The following SNTG1 variants were observed in gnomAD, a reference collection of about 807,000 sequenced individuals.
SNTG1 encodes gamma-1-syntrophin.
Under a neutral mutation model 74.7 loss-of-function variants are expected in SNTG1, and 39 were observed. That is an observed-to-expected ratio of 0.52 (90% CI 0.40 to 0.68). The LOEUF (loss-of-function observed/expected upper bound fraction) is 0.68. Among genes scored for constraint, SNTG1 ranks in the 30% least tolerant of loss-of-function variants. SNTG1 has a pLI of 0.00. For synonymous variants in SNTG1, 254 were observed against 217.1 expected (o/e 1.17, Z -1.49); for missense variants, 685 against 609.5 (o/e 1.12, Z -1.30).
chr8:50,186,208 C>G (rs1234120808), intron 2 of SNTG1, among the ~76,000 whole-genome samples: 1 of 152,028 alleles, frequency 6.6e-6, no homozygotes, highest in East Asian at 1.9e-4. Flanking sequence ...GCATAGTATT[C>G]CATGGTGTAT....
intron 1 of SNTG1, among the ~76,000 whole-genome samples, chr8:49,954,574 T>A (rs1488094338): frequency 6.6e-6 from 1 of 152,184 alleles, no homozygotes; most frequent in Non-Finnish European, 1.5e-5. Flanking sequence ...TCTTTAATTT[T>A]TTATTCTAAT....
chr8:50,378,757 A>G (rs928980234), intron 2 of SNTG1, among the ~76,000 whole-genome samples: 5 of 151,916 alleles, frequency 3.3e-5, no homozygotes, highest in African/African-American at 7.2e-5. Context: ...AGAAGTGTTC[A>G]GTTCTCAGCA....
chr8:50,720,122 A>G (rs1173979406), intron 17 of SNTG1, among the ~76,000 whole-genome samples: 2 of 152,024 alleles, frequency 1.3e-5, no homozygotes, highest in Admixed American at 6.6e-5. Context: ...GATCTCTAAG[A>G]CTCCATAATA....
intron 2 of SNTG1, among the ~76,000 whole-genome samples, chr8:50,337,483 C>A (rs925202240): frequency 6.6e-6 from 1 of 152,150 alleles, no homozygotes; most frequent in Non-Finnish European, 1.5e-5. Context: ...CCGTTTCCTG[C>A]AAGGAAAGGA....
At chr8:50,454,064 C>T (rs2093480254) in intron 8 of SNTG1, among the ~76,000 whole-genome samples, 1 of 152,220 alleles carries the variant, frequency 6.6e-6, no homozygotes, top group Admixed American at 6.5e-5. Flanking sequence ...GGAAAATGAT[C>T]TATTGCCACT....
intron 13 of SNTG1, among the ~76,000 whole-genome samples, chr8:50,613,280 C>T (rs977596766): frequency 5.9e-5 from 9 of 152,030 alleles, no homozygotes. Flanking sequence ...CTCAAAATTT[C>T]CTGAGTTTAG....
intron 2 of SNTG1, among the ~76,000 whole-genome samples, chr8:50,272,991 A>G (rs1009341481): frequency 6.6e-6 from 1 of 151,924 alleles, no homozygotes; most frequent in Non-Finnish European, 1.5e-5. Flanking sequence ...CAGTCCTCCC[A>G]TGTCAGCCAC....
intron 2 of SNTG1, among the ~76,000 whole-genome samples, chr8:50,254,918 C>T (rs553107091): frequency 2.7e-5 from 4 of 145,790 alleles, no homozygotes; most frequent in Non-Finnish European, 6.0e-5. Flanking sequence ...ACTTCTGCTG[C>T]TGGAGGCTTG....
chr8:50,527,359 CCTCT>C (rs932208521), intron 9 of SNTG1, among the ~76,000 whole-genome samples: 1 of 151,992 alleles, frequency 6.6e-6, no homozygotes, highest in Non-Finnish European at 1.5e-5. Context: ...GTTTTTGTAT[CCTCT>C]CTAAGACATA....
chr8:50,094,139 GGAA>G (rs1401149704), intron 1 of SNTG1, among the ~76,000 whole-genome samples: 1 of 152,034 alleles, frequency 6.6e-6, no homozygotes, highest in African/African-American at 2.4e-5. Flanking sequence ...AGGGAGGGTA[GGAA>G]GAAGTAGATA....
intron 15 of SNTG1, among the ~76,000 whole-genome samples, chr8:50,670,881 T>C (rs2095278053): frequency 6.6e-6 from 1 of 151,646 alleles, no homozygotes; most frequent in Non-Finnish European, 1.5e-5. Context: ...CCCTCAGAAA[T>C]GACGCCACAT....
intron 1 of SNTG1, among the ~76,000 whole-genome samples, chr8:50,053,602 C>CAT (rs904061972): frequency 7.9e-6 from 1 of 126,778 alleles, no homozygotes; most frequent in African/African-American, 3.4e-5. Context: ...TATAAATATG[C>CAT]ATATATATAA....
rs138290317 is a variant in SNTG1, at chr8:49,987,361, T to C, written c.-103+75130T>C. Among the ~76,000 whole-genome samples, 51 of 152,112 alleles carry C rather than the reference T, an allele frequency of 3.4e-4. No homozygotes were observed. In the East Asian group the frequency reaches 9.8e-3, roughly 29 times the overall value. Reference sequence around the variant, plus strand: ...ATTAAAATTATAAAACAAAAGTAAATAAACAATTATTTAAAGTCTCTGGAA... The same window carrying C: ...ATTAAAATTATAAAACAAAAGTAAACAAACAATTATTTAAAGTCTCTGGAA... On this transcript the variant is annotated intron_variant, in intron 1 of 18. Transcript: ENST00000642720.
rs186285333 is a variant in SNTG1, at chr8:50,150,890, G to T, written c.-102-21671G>T. On this transcript the variant is annotated intron_variant, in intron 1 of 18. Coordinates refer to ENST00000642720, the MANE Select transcript of SNTG1 (RefSeq NM_018967.5). Reference sequence around the variant, plus strand: ...AAATTCTCTTTTTTGTTGTGTCTCTGCCAGGCTTTGGTATCAGGATGATGC... The same window carrying T: ...AAATTCTCTTTTTTGTTGTGTCTCTTCCAGGCTTTGGTATCAGGATGATGC... Among the ~76,000 whole-genome samples, 86 of 152,200 alleles carry T rather than the reference G, an allele frequency of 5.7e-4. No homozygotes were observed. The East Asian group carries it at 0.014, about 24-fold the overall frequency.
chr8:50,710,348 T>C (rs1249783274), intron 17 of SNTG1, among the ~76,000 whole-genome samples: 2 of 152,052 alleles, frequency 1.3e-5, no homozygotes, highest in South Asian at 2.1e-4. Flanking sequence ...TTTATTAAAA[T>C]GTTCATCAAA....
At chr8:50,619,525 A>C (rs2094906913) in intron 13 of SNTG1, among the ~76,000 whole-genome samples, 1 of 152,034 alleles carries the variant, frequency 6.6e-6, no homozygotes, top group Non-Finnish European at 1.5e-5. Context: ...AGGTCAGGAG[A>C]CCGAGACCAT....
intron 18 of SNTG1, among the ~76,000 whole-genome samples, chr8:50,774,924 A>G (rs1563826382): frequency 6.6e-6 from 1 of 151,106 alleles, no homozygotes; most frequent in Non-Finnish European, 1.5e-5. Flanking sequence ...AATAACTAAT[A>G]AAATAACTAA....
chr8:50,248,094 T>A (rs906834972), intron 2 of SNTG1, among the ~76,000 whole-genome samples: 1 of 152,142 alleles, frequency 6.6e-6, no homozygotes, highest in African/African-American at 2.4e-5. Flanking sequence ...AAGACATCTG[T>A]CATATTGAAT....
At chr8:50,677,117 A>T (rs939437590) in intron 15 of SNTG1, among the ~76,000 whole-genome samples, 2 of 151,984 alleles carry the variant, frequency 1.3e-5, no homozygotes, top group Non-Finnish European at 2.9e-5. Context: ...ATGGATTTCC[A>T]TGTTGCAGAA....
Sources: allele counts gnomAD v4.1 joint callset (sites outside exome capture counted in the v4.1 genomes callset), GRCh38; gene constraint gnomAD v4.1.1; transcripts MANE v1.5; gene names NCBI Gene and HGNC (gene_info 2026-07-23, HGNC 2026-07-21).